Variants in AKAP7 observed in about 807,000 individuals in gnomAD.
AKAP7 encodes A-kinase anchoring protein 7.
A neutral mutation model predicts 39.5 loss-of-function variants in AKAP7; 39 were observed. The ratio of observed to expected loss-of-function variants is 0.99; its 90% CI spans 0.76 to 1.29. The LOEUF (loss-of-function observed/expected upper bound fraction) is 1.29. Among genes scored for constraint, AKAP7 ranks in the 50% most tolerant of loss-of-function variants. The pLI is 0.00. For synonymous variants in AKAP7, 140 were observed against 139.1 expected (o/e 1.01, Z -0.05); for missense variants, 414 against 407.7 (o/e 1.02, Z -0.13).
chr6:131,274,812 C>A lies in AKAP7; in HGVS notation c.851-6718C>A, dbSNP rs796948848. ...CCAGTACTCCAATGCATCGTGCTTT[C>A]TCATGCTCCTGTGCACATGCATATG... On this transcript the variant is annotated intron_variant, in intron 7 of 7. Transcript: ENST00000431975. 1.4e-4 allele frequency among the ~76,000 whole-genome samples: 21 copies of A among 152,322 alleles called. 1 individual carries two copies. The highest frequency in any genetic ancestry group is 4.8e-4 in the African/African-American group (20 of 41,572).
At chr6:131,178,139 G>T (rs917112697) in intron 5 of AKAP7, among the ~76,000 whole-genome samples, 3 of 152,160 alleles carry the variant, frequency 2.0e-5, no homozygotes, top group Admixed American at 1.3e-4. Flanking sequence ...ACATTGCAAT[G>T]CTTGCGTCCT....
chr6:131,225,104 G>A (rs941691037), intron 7 of AKAP7, among the ~76,000 whole-genome samples: 1 of 151,858 alleles, frequency 6.6e-6, no homozygotes, highest in Non-Finnish European at 1.5e-5. Flanking sequence ...TTGCTTCATG[G>A]ATATTAATTC....
At chr6:131,170,079 A>AAT in intron 5 of AKAP7, among the ~76,000 whole-genome samples, 1 of 139,210 alleles carries the variant, frequency 7.2e-6, no homozygotes, top group East Asian at 2.2e-4. Flanking sequence ...TAACCTGGGA[A>AAT]TGGTGGGAAT....
At chr6:131,265,546 T>C (rs1269229618) in intron 7 of AKAP7, among the ~76,000 whole-genome samples, 1 of 152,152 alleles carries the variant, frequency 6.6e-6, no homozygotes, top group Non-Finnish European at 1.5e-5. Flanking sequence ...AGGAGGGAGT[T>C]GGGGAGCTAG....
At chr6:131,156,346 A>C (rs1802418169) in intron 2 of AKAP7, among the ~76,000 whole-genome samples, 1 of 152,146 alleles carries the variant, frequency 6.6e-6, no homozygotes, top group Non-Finnish European at 1.5e-5. Flanking sequence ...TAATTTAAAA[A>C]ACTGTTCAGG....
At chr6:131,131,283 G>A (rs1437781831), upstream of AKAP7, among the ~76,000 whole-genome samples, 1 of 152,082 alleles carries the variant, frequency 6.6e-6, no homozygotes, top group African/African-American at 2.4e-5. Flanking sequence ...CTTTATGAGG[G>A]GTTGTCTATG....
At position 131,282,345 on chromosome 6, in the gene AKAP7, T is replaced by C; in HGVS notation, c.*619T>C. The C allele has an allele frequency of 4.4e-6, 6 of 1,375,816 alleles. No individual in the cohort carries two copies. Among genetic ancestry groups the C allele is most frequent in the Non-Finnish European group, 5.6e-6 (6 of 1,064,432 alleles). 85.2% of individuals were successfully genotyped at this position (1,375,816 alleles called of 1,614,324 possible). ...AAGTTTTTTTAAAATCCTATTTTGA[T>C]AAGTCAGTATGCCATATTTAATGAA... On this transcript the variant is annotated 3_prime_UTR_variant, in exon 8 of 8. Coordinates refer to ENST00000431975, the MANE Select transcript of AKAP7 (RefSeq NM_016377.4).
chr6:131,169,206 T>C lies in AKAP7; in HGVS notation c.522T>C (p.Phe174=), dbSNP rs1484361564. The change falls in exon 5 of 8, where the codon TTT becomes TTC. Residue 174 remains phenylalanine, a synonymous_variant. Coordinates refer to ENST00000431975, the MANE Select transcript of AKAP7 (RefSeq NM_016377.4). ...LTLPFQGIGT[F]GNQVGFVKLA... is the part of the protein sequence containing the mutation. Reference sequence around the variant, plus strand: ...TGCCCTTTCAAGGGATTGGTACTTTTGGAAATCAGGTTGGATTTGTGAAGC... The same window carrying C: ...TGCCCTTTCAAGGGATTGGTACTTTCGGAAATCAGGTTGGATTTGTGAAGC... The C allele has an allele frequency of 2.5e-6, 4 of 1,614,048 alleles. No homozygotes were observed. The highest frequency in any genetic ancestry group is 3.4e-6 in the Non-Finnish European group (4 of 1,180,002).
At chr6:131,125,767 A>G in the AKAP7 span, among the ~76,000 whole-genome samples, 1 of 152,228 alleles carries the variant, frequency 6.6e-6, no homozygotes, top group Non-Finnish European at 1.5e-5. Flanking sequence ...GGGAGACAAG[A>G]TGGATGAATA....
At chr6:131,205,549 C>A (rs1247279734) in intron 6 of AKAP7, among the ~76,000 whole-genome samples, 2 of 151,998 alleles carry the variant, frequency 1.3e-5, no homozygotes, top group Non-Finnish European at 2.9e-5. Context: ...ATATTGTGTT[C>A]AAAATTTTGA....
At chr6:131,136,236 A>G (rs997578951) in intron 1 of AKAP7, among the ~76,000 whole-genome samples, 23 of 152,010 alleles carry the variant, frequency 1.5e-4, no homozygotes, top group Non-Finnish European at 1.5e-4. Flanking sequence ...AGGTTTGGAC[A>G]TGACCGCTTT....
At chr6:131,267,783 C>T (rs191067120) in intron 7 of AKAP7, among the ~76,000 whole-genome samples, 14 of 152,278 alleles carry the variant, frequency 9.2e-5, no homozygotes, top group East Asian at 3.9e-4. Context: ...TTCCCCTAGA[C>T]GGAATTCACT....
intron 7 of AKAP7, among the ~76,000 whole-genome samples, chr6:131,266,170 ACCT>A (rs1243408850): frequency 1.3e-5 from 2 of 152,026 alleles, no homozygotes; most frequent in African/African-American, 4.8e-5. Context: ...ATTGTCTCTG[ACCT>A]CCTCCTTCTA....
At chr6:131,190,244 T>C (rs1294078523) in intron 5 of AKAP7, among the ~76,000 whole-genome samples, 1 of 152,168 alleles carries the variant, frequency 6.6e-6, no homozygotes, top group African/African-American at 2.4e-5. Context: ...GTGACAAATA[T>C]TATTTAAAAC....
At chr6:131,274,486 T>C (rs933283026) in intron 7 of AKAP7, among the ~76,000 whole-genome samples, 11 of 152,120 alleles carry the variant, frequency 7.2e-5, no homozygotes, top group African/African-American at 2.7e-4. Context: ...TTGTTTCTCT[T>C]TTTATCTGTT....
At chr6:131,166,561 C>T (rs1353909284) in intron 4 of AKAP7, among the ~76,000 whole-genome samples, 2 of 152,174 alleles carry the variant, frequency 1.3e-5, no homozygotes, top group Non-Finnish European at 2.9e-5. Context: ...GAGTTGATGT[C>T]GTAGTCTCAA....
At chr6:131,178,059 AC>A (rs1804747387) in intron 5 of AKAP7, among the ~76,000 whole-genome samples, 2 of 152,164 alleles carry the variant, frequency 1.3e-5, no homozygotes, top group Admixed American at 6.5e-5. Flanking sequence ...GGTTTTGTTA[AC>A]TTCTGCCTCT....
intron 7 of AKAP7, among the ~76,000 whole-genome samples, chr6:131,279,863 GT>G (rs934054552): frequency 3.9e-5 from 6 of 152,180 alleles, no homozygotes; most frequent in Non-Finnish European, 8.8e-5. Flanking sequence ...TTCATTTGCA[GT>G]TGGATTTTTC....
chr6:131,249,088 C>G (rs1812245652), intron 7 of AKAP7, among the ~76,000 whole-genome samples: 1 of 152,112 alleles, frequency 6.6e-6, no homozygotes, highest in South Asian at 2.1e-4. Context: ...ATGTAATTCT[C>G]TAAACATTAA....
Sources: gnomAD v4.1 joint callset for allele counts (sites outside exome capture counted in the v4.1 genomes callset) on GRCh38, gnomAD v4.1.1 for gene constraint, MANE v1.5 for transcripts, NCBI Gene and HGNC (gene_info 2026-07-23, HGNC 2026-07-21) for gene names.